SMG1: variants seen among roughly 807,000 people sequenced by gnomAD.
The protein encoded by SMG1 is serine/threonine-protein kinase SMG1.
A neutral mutation model predicts 419.9 loss-of-function variants in SMG1; 22 were observed. The observed-to-expected ratio is 0.05, with a 90% confidence interval of 0.04 to 0.07. SMG1 has a LOEUF of 0.07. SMG1 is among the 10% of genes least tolerant of loss of function. The probability of loss-of-function intolerance (pLI) is 1.00; values close to 1 mark genes in which losing one functional copy is unlikely to be tolerated. For missense variants in SMG1, 3,185 were observed against 4,342.0 expected (o/e 0.73, Z 7.49); for synonymous variants, 1,538 against 1,553.5 (o/e 0.99, Z 0.23).
rs1031323028 is a variant in SMG1 at position 18,806,671 on chromosome 16, T to A, written c.*2898A>T. 9 of 152,124 alleles carry A rather than the reference T, an allele frequency of 5.9e-5. No homozygotes were observed. Among genetic ancestry groups the A allele is most frequent in the African/African-American group, 2.2e-4 (9 of 41,428 alleles). 9.4% of individuals were successfully genotyped at this position (152,124 alleles called of 1,614,324 possible). The stretch of plus-strand genomic sequence containing the variant: ...TTGAACTTCAATTTCCAAGGGTACT[T>A]TGAAGAGGTTGTTTGTAGGTTATTC... On this transcript the variant is annotated 3_prime_UTR_variant, in exon 63 of 63. Coordinates refer to ENST00000446231, the MANE Select transcript of SMG1 (RefSeq NM_015092.5).
intron 50 of SMG1, 95 bp from the exon 51 acceptor site, chr16:18,833,261 T>C (rs1212981422): frequency 2.1e-5 from 17 of 795,366 alleles, no homozygotes; most frequent in South Asian, 3.6e-5. Context: ...AGCAAACTTA[T>C]GTAACTATGC....
Position 18,858,219 on chromosome 16 carries a change from C to G in SMG1, c.4185G>C (p.Gln1395His). 1 of 1,605,106 alleles carries G rather than the reference C, an allele frequency of 6.2e-7. No homozygotes were observed. The highest frequency in any genetic ancestry group is 8.5e-7 in the Non-Finnish European group (1 of 1,175,432). ...CKQHDVRPWM[Q>H]ALRYTMYQNQ... ...TCTGGTACATAGTATACCTTAATGC[C>G]TGCATCCATGGCCTCACGTCATGCT... The change falls in exon 29 of 63, where the codon CAG (glutamine) becomes CAC (histidine). Residue 1395 changes from glutamine to histidine, a missense_variant. This residue lies in a region of SMG1 where 493 missense variants were observed against 552.9 expected (regional missense o/e 0.89). Coordinates refer to ENST00000446231, the MANE Select transcript of SMG1 (RefSeq NM_015092.5).
chr16:18,899,580 T>A (rs1249230584), intron 1 of SMG1, among the ~76,000 whole-genome samples: 1 of 152,118 alleles, frequency 6.6e-6, no homozygotes, highest in East Asian at 1.9e-4. Flanking sequence ...TTTCAAAAAA[T>A]GTCAATGTCA....
chr16:18,849,959 T>C lies in SMG1; in HGVS notation c.5451A>G (p.Ala1817=), dbSNP rs750447999. The change falls in exon 35 of 63, where the codon GCA becomes GCG. Residue 1817 remains alanine, a synonymous_variant. Transcript: ENST00000446231. ...LEHGLETTPT[A]PWRGIIPQLF... ...TTATGCAGGTCTCACCTCTCCATGG[T>C]GCAGTGGGTGTTGTCTCCAAGCCGT... is the stretch of plus-strand genomic sequence containing the variant. 5 of 1,613,846 alleles carry C rather than the reference T, an allele frequency of 3.1e-6. No homozygotes were observed. Among genetic ancestry groups the C allele is most frequent in the Admixed American group, 1.7e-5 (1 of 59,998 alleles).
chr16:18,888,820 C>CTTTTTTTT (rs71141087), intron 6 of SMG1, among the ~76,000 whole-genome samples: 1 of 112,018 alleles, frequency 8.9e-6, no homozygotes. Context: ...CAACATGTAT[C>CTTTTTTTT]TTTTTTTTTT....
intron 36 of SMG1, 147 bp from the exon 37 acceptor site, chr16:18,848,180 T>A (rs2034375656): frequency 1.5e-6 from 1 of 656,800 alleles, no homozygotes; most frequent in African/African-American, 1.8e-5. Flanking sequence ...TTAAAGATTG[T>A]GGATATTCTG....
At position 18,889,544 on chromosome 16, in the gene SMG1, C is replaced by G; in HGVS notation, c.650G>C (p.Cys217Ser). ...LQELRQEGAC[C>S]LGLLCASLSY... Reference sequence around the variant, plus strand: ...CAGAGAAGCACAAAGAAGGCCAAGACAGCAAGCTCCCTCCTGTCTCAACTC... The same window carrying G: ...CAGAGAAGCACAAAGAAGGCCAAGAGAGCAAGCTCCCTCCTGTCTCAACTC... Residue 217 changes from cysteine to serine, a missense_variant, in exon 6 of 63, where the codon TGT becomes TCT. By Grantham distance (112) the Cys-to-Ser change is moderately radical. This residue lies in a region of SMG1 where 53 missense variants were observed against 56.3 expected (regional missense o/e 0.94). Transcript: ENST00000446231. 1 of 587,096 alleles carries G rather than the reference C, an allele frequency of 1.7e-6. No individual in the cohort carries two copies. Among genetic ancestry groups the G allele is most frequent in the South Asian group, 2.0e-5 (1 of 49,650 alleles). 36.4% of individuals were successfully genotyped at this position (587,096 alleles called of 1,614,324 possible).
At chr16:18,813,684 A>G (rs926144687) in intron 60 of SMG1, among the ~76,000 whole-genome samples, 1 of 152,008 alleles carries the variant, frequency 6.6e-6, no homozygotes, top group Admixed American at 6.6e-5. Context: ...CCATTTTTCA[A>G]TTTTGGCTTT....
intron 6 of SMG1, among the ~76,000 whole-genome samples, chr16:18,888,298 G>A (rs1041029840): frequency 3.3e-5 from 5 of 150,952 alleles, no homozygotes; most frequent in Non-Finnish European, 4.4e-5. Context: ...TTTGGGGCAC[G>A]TTAGCAAACC....
rs1232124654 is a variant in SMG1 at position 18,919,820 on chromosome 16, G to T, written c.92+6130C>A. On this transcript the variant is annotated intron_variant, in intron 1 of 62. Transcript: ENST00000446231. ...AATCAAAACAAAAGGGGTTGGGGGG[G>T]TCCAGGCACGGTGTCTCACTCCTGT... 1.2e-4 allele frequency among the ~76,000 whole-genome samples: 18 copies of T among 151,818 alleles called. No homozygotes were observed. The East Asian group carries it at 3.5e-3, about 29-fold the overall frequency.
In SMG1 at chr16:18,852,461, C is replaced by T. The variant is rs1483994323; in HGVS notation, c.4770G>A (p.Val1590=). 1.3e-6 allele frequency: 2 copies of T among 1,553,842 alleles called. No individual in the cohort carries two copies. The highest frequency in any genetic ancestry group is 1.2e-5 in the South Asian group (1 of 81,594). The change falls in exon 32 of 63, where the codon GTG becomes GTA. Residue 1590 remains valine, a splice_region_variant and synonymous_variant. Coordinates refer to ENST00000446231, the MANE Select transcript of SMG1 (RefSeq NM_015092.5). ...EYPRIESEST[V]HIGVGEPDFI... is the part of the protein sequence containing the mutation. The stretch of plus-strand genomic sequence containing the variant: ...AGTCAGGTTCTCCAACTCCAATATG[C>T]ACTGCCAAAATGGACAAAAAAATAA...
chr16:18,876,412 A>G lies in SMG1; in HGVS notation c.1621-19T>C. The G allele has an allele frequency of 6.3e-7, 1 of 1,578,766 alleles. No homozygotes were observed. The highest frequency in any genetic ancestry group is 8.6e-7 in the Non-Finnish European group (1 of 1,161,764). On this transcript the variant is annotated intron_variant, in intron 12 of 62. Coordinates refer to ENST00000446231, the MANE Select transcript of SMG1 (RefSeq NM_015092.5). The stretch of plus-strand genomic sequence containing the variant: ...CAACAACCTGAAAAACAAAAAATTC[A>G]AGGAAGTGATAAATGGAAAATAAAT...
At chr16:18,818,660 T>C (rs1352305992) in intron 56 of SMG1, among the ~76,000 whole-genome samples, 2 of 152,142 alleles carry the variant, frequency 1.3e-5, no homozygotes, top group African/African-American at 2.4e-5. Context: ...TGAAATAAGA[T>C]AAGACTTAAG....
At chr16:18,887,146 AATT>A (rs967661189) in intron 6 of SMG1, among the ~76,000 whole-genome samples, 20 of 152,184 alleles carry the variant, frequency 1.3e-4, no homozygotes, top group African/African-American at 2.9e-4. Flanking sequence ...TATATTATGA[AATT>A]ATTATCATAT....
At chr16:18,884,773 A>G (rs890459801) in intron 8 of SMG1, 24 of 243,662 alleles carry the variant, frequency 9.8e-5, no homozygotes, top group Non-Finnish European at 1.2e-4. Flanking sequence ...AAACAATAAA[A>G]TGTGACAAAT....
intron 51 of SMG1, among the ~76,000 whole-genome samples, chr16:18,831,227 G>A (rs1195319979): frequency 6.6e-6 from 1 of 151,966 alleles, no homozygotes; most frequent in Non-Finnish European, 1.5e-5. Flanking sequence ...CAAATGGCTG[G>A]AACTATTAAG....
chr16:18,896,247 T>A, intron 2 of SMG1, 40 bp from the exon 3 acceptor site: 3 of 1,258,004 alleles, frequency 2.4e-6, no homozygotes, highest in Non-Finnish European at 3.5e-6. Context: ...ATATGATTGT[T>A]CGTTTCATTC....
At chr16:18,909,679 T>C (rs1489790485) in intron 1 of SMG1, among the ~76,000 whole-genome samples, 1 of 152,234 alleles carries the variant, frequency 6.6e-6, no homozygotes, top group Non-Finnish European at 1.5e-5. Context: ...AAAAGGAAGA[T>C]GCCTTTCAAG....
intron 55 of SMG1, among the ~76,000 whole-genome samples, chr16:18,820,393 G>A (rs1428498680): frequency 1.3e-5 from 2 of 151,542 alleles, no homozygotes; most frequent in African/African-American, 2.4e-5. Flanking sequence ...CTGTAGAGAC[G>A]AGGTTTTACT....
Sources: allele counts gnomAD v4.1 joint callset (sites outside exome capture counted in the v4.1 genomes callset), GRCh38; gene constraint gnomAD v4.1.1; regional missense constraint gnomAD v4.1.1; transcripts MANE v1.5; gene names NCBI Gene and HGNC (gene_info 2026-07-23, HGNC 2026-07-21).